Variants in U2SURP observed in about 807,000 individuals in gnomAD.
U2SURP encodes U2 snRNP-associated SURP motif-containing protein.
A neutral mutation model predicts 144.9 loss-of-function variants in U2SURP; 9 were observed. That is an observed-to-expected ratio of 0.06 (90% CI 0.04 to 0.11). U2SURP has a LOEUF of 0.11. Among genes scored for constraint, U2SURP ranks in the 10% least tolerant of loss-of-function variants. The pLI is 1.00. For synonymous variants in U2SURP, 408 were observed against 396.8 expected (o/e 1.03, Z -0.33); for missense variants, 724 against 1,226.7 (o/e 0.59, Z 6.12).
In U2SURP at chr3:143,058,947, T is replaced by A. The variant is rs1935267528; in HGVS notation, c.*2497T>A. ...TATAAAGGGCATGACTTAGGCTCTT[T>A]ACCCTCCAACTTAATGTTTATACAC... is the stretch of plus-strand genomic sequence containing the variant. On this transcript the variant is annotated 3_prime_UTR_variant, in exon 28 of 28. Coordinates refer to ENST00000473835, the MANE Select transcript of U2SURP (RefSeq NM_001080415.2). 6.6e-6 allele frequency: 1 copy of A among 151,932 alleles called. No homozygotes were observed. Among genetic ancestry groups the A allele is most frequent in the Non-Finnish European group, 1.5e-5 (1 of 67,802 alleles). 9.4% of individuals were successfully genotyped at this position (151,932 alleles called of 1,614,324 possible).
At chr3:143,013,022 G>A (rs746537471) in intron 3 of U2SURP, among the ~76,000 whole-genome samples, 11 of 151,856 alleles carry the variant, frequency 7.2e-5, no homozygotes, top group Non-Finnish European at 5.9e-5. Context: ...ATAAGAATCC[G>A]TTTTAAAATA....
intron 23 of U2SURP, among the ~76,000 whole-genome samples, chr3:143,040,303 T>A (rs529969522): frequency 6.6e-6 from 1 of 152,032 alleles, no homozygotes; most frequent in South Asian, 2.1e-4. Context: ...AATGGAAGCC[T>A]GGATCACTAG....
chr3:143,028,262 T>G, intron 14 of U2SURP, 78 bp from the exon 15 acceptor site: 1 of 1,433,412 alleles, frequency 7.0e-7, no homozygotes, highest in East Asian at 2.5e-5. Context: ...CAAATAATAT[T>G]TCTCATTTAT....
At chr3:143,053,230 G>A (rs150705668) in intron 25 of U2SURP, among the ~76,000 whole-genome samples, 76 of 152,048 alleles carry the variant, frequency 5.0e-4, no homozygotes, top group African/African-American at 1.7e-3. Flanking sequence ...GGAATTTTTC[G>A]GCAGGTGGGA....
chr3:143,003,893 T>C (rs1935678556), intron 1 of U2SURP, among the ~76,000 whole-genome samples: 1 of 152,218 alleles, frequency 6.6e-6, no homozygotes. Flanking sequence ...GGTTTCACCA[T>C]GTTGGCCAGG....
intron 6 of U2SURP, among the ~76,000 whole-genome samples, chr3:143,018,774 A>G (rs1269497945): frequency 3.3e-5 from 5 of 152,078 alleles, no homozygotes; most frequent in Non-Finnish European, 7.4e-5. Flanking sequence ...AAAAATACAA[A>G]ATTAGCCGGG....
chr3:143,020,776 G>A (rs1011011768), intron 8 of U2SURP, 83 bp downstream of exon 8: 3 of 1,004,930 alleles, frequency 3.0e-6, no homozygotes, highest in African/African-American at 3.2e-5. Context: ...ACATTCCAAG[G>A]ATCACCAGTG....
intron 4 of U2SURP, among the ~76,000 whole-genome samples, chr3:143,015,521 A>T (rs1377716745): frequency 6.6e-6 from 1 of 151,980 alleles, no homozygotes. Flanking sequence ...ATTAAATCAG[A>T]TTATTTTGTA....
intron 25 of U2SURP, among the ~76,000 whole-genome samples, chr3:143,052,716 G>A (rs1934950593): frequency 6.6e-6 from 1 of 152,208 alleles, no homozygotes; most frequent in South Asian, 2.1e-4. Flanking sequence ...TGTACAAAAA[G>A]TGTTTGCCAA....
chr3:143,060,322 C>T lies in U2SURP; in HGVS notation c.*3872C>T, dbSNP rs1935322717. 6.6e-6 allele frequency: 1 copy of T among 152,016 alleles called. No homozygotes were observed. Among genetic ancestry groups the T allele is most frequent in the Admixed American group, 6.6e-5 (1 of 15,250 alleles). The allele number at this position is 152,016 out of a possible 1,614,324, so 9.4% of individuals were successfully genotyped here. A position where few individuals can be genotyped will look rare whatever the true frequency, so the allele number is the denominator to read the frequency against. ...AATAATATAGTTGAAATCAGTTGGG[C>T]TAAAATATTCTACAGCAAGACAATT... On this transcript the variant is annotated 3_prime_UTR_variant, in exon 28 of 28. Coordinates refer to ENST00000473835, the MANE Select transcript of U2SURP (RefSeq NM_001080415.2).
At chr3:143,029,972 G>A (rs1227468590) in intron 16 of U2SURP, among the ~76,000 whole-genome samples, 2 of 152,198 alleles carry the variant, frequency 1.3e-5, no homozygotes, top group Admixed American at 6.5e-5. Flanking sequence ...TGTGGAAACA[G>A]GTGAGGATGC....
chr3:143,013,428 T>A (rs1395384484), intron 3 of U2SURP, among the ~76,000 whole-genome samples: 3 of 152,106 alleles, frequency 2.0e-5, no homozygotes, highest in Non-Finnish European at 2.9e-5. Context: ...AGCAGCAATG[T>A]TACTCTTCTA....
At chr3:143,002,353 C>T (rs1268226079) in intron 1 of U2SURP, 2 of 152,274 alleles carry the variant, frequency 1.3e-5, no homozygotes, top group African/African-American at 2.4e-5. Flanking sequence ...AGAGAAGCTC[C>T]GTAGACTTGT....
At chr3:143,036,150 G>A (rs375852341) in intron 20 of U2SURP, 46 bp downstream of exon 20, 31 of 1,539,640 alleles carry the variant, frequency 2.0e-5, no homozygotes, top group Non-Finnish European at 2.3e-5. Context: ...TTCGTTTCTG[G>A]GGTGGAGGTT....
intron 1 of U2SURP, among the ~76,000 whole-genome samples, chr3:143,006,230 A>G (rs1189129058): frequency 6.6e-6 from 1 of 152,232 alleles, no homozygotes; most frequent in Non-Finnish European, 1.5e-5. Context: ...TAGTGCTTGT[A>G]TTAATGATTT....
In U2SURP at chr3:143,058,913, C is replaced by T. The variant is rs1935266220; in HGVS notation, c.*2463C>T. 6.6e-6 allele frequency: 1 copy of T among 151,802 alleles called. No individual in the cohort carries two copies. Among genetic ancestry groups the T allele is most frequent in the Non-Finnish European group, 1.5e-5 (1 of 67,786 alleles). The allele number at this position is 151,802 out of a possible 1,614,324, so 9.4% of individuals were successfully genotyped here. ...ACAGCTACGTGCCAGAGTTGTTTTCCACAGTTCTTATAAAGGGCATGACTT... is the reference window on the plus strand; with the variant it reads ...ACAGCTACGTGCCAGAGTTGTTTTCTACAGTTCTTATAAAGGGCATGACTT... On this transcript the variant is annotated 3_prime_UTR_variant, in exon 28 of 28. Coordinates refer to ENST00000473835, the MANE Select transcript of U2SURP (RefSeq NM_001080415.2).
chr3:143,015,120 C>T (rs1054136976), intron 4 of U2SURP, among the ~76,000 whole-genome samples: 3 of 152,002 alleles, frequency 2.0e-5, no homozygotes, highest in African/African-American at 7.2e-5. Flanking sequence ...ATGAATGTTT[C>T]CCCATAGCAC....
rs1299557407 is a variant in U2SURP at position 143,043,185 on chromosome 3, C to G, written c.2453C>G (p.Ser818Cys). 1 of 1,603,676 alleles carries G rather than the reference C, an allele frequency of 6.2e-7. No homozygotes were observed. The highest frequency in any genetic ancestry group is 8.5e-7 in the Non-Finnish European group (1 of 1,174,488). Residue 818 changes from serine (S) to cysteine (C), a missense_variant, in exon 24 of 28, where the codon TCT (serine) becomes TGT (cysteine). Transcript: ENST00000473835. ...SSKSEEHHLY[S>C]NPIKEEMTES... ...AAATCTGAAGAACATCATTTGTACT[C>G]TAATCCAATCAAAGAAGAAATGACT...
At chr3:143,024,527 CT>C (rs1235809423) in intron 13 of U2SURP, 6 of 434,606 alleles carry the variant, frequency 1.4e-5, no homozygotes, top group Non-Finnish European at 2.3e-5. Context: ...ATACTAGAAA[CT>C]TTCTTTTCAT....
Sources: gnomAD v4.1 joint callset for allele counts (sites outside exome capture counted in the v4.1 genomes callset) on GRCh38, gnomAD v4.1.1 for gene constraint, MANE v1.5 for transcripts, NCBI Gene and HGNC (gene_info 2026-07-23, HGNC 2026-07-21) for gene names.